Variants in SLC8A1 observed in about 807,000 individuals in gnomAD.
SLC8A1 encodes the protein sodium/calcium exchanger 1.
A neutral mutation model predicts 68.3 loss-of-function variants in SLC8A1; 18 were observed. The observed-to-expected ratio is 0.26, with a 90% confidence interval of 0.18 to 0.39. The LOEUF (loss-of-function observed/expected upper bound fraction) is 0.39, where lower values mean the gene tolerates loss of function less well. Ranked by LOEUF, SLC8A1 falls within the 10% of genes least tolerant of loss-of-function variation. The probability of loss-of-function intolerance (pLI) is 1.00; values close to 1 mark genes in which losing one functional copy is unlikely to be tolerated. For missense variants in SLC8A1, 985 were observed against 1,156.7 expected, an observed-to-expected ratio of 0.85 and a Z score of 2.15; for synonymous variants, 475 against 415.5, an observed-to-expected ratio of 1.14 and a Z score of -1.74.
chr2:40,398,168 C>T (rs570364167), intron 2 of SLC8A1, among the ~76,000 whole-genome samples: 2 of 152,180 alleles, frequency 1.3e-5, no homozygotes, highest in Non-Finnish European at 2.9e-5. Flanking sequence ...CCAATGCAAA[C>T]CTGATTCCAG....
rs1683367154 is a variant in SLC8A1 at position 40,385,786 on chromosome 2, T to A, written c.1808+42687A>T. Among the ~76,000 whole-genome samples the A allele has an allele frequency of 2.0e-5, 3 of 151,380 alleles. No individual in the cohort carries two copies. In the South Asian group the frequency reaches 6.2e-4, roughly 31 times the overall value. On this transcript the variant is annotated intron_variant, in intron 2 of 7. Coordinates refer to ENST00000406785, the Ensembl canonical transcript of SLC8A1. ...TATTTTAAAACAGAAGCTTGGCAAA[T>A]ATAAGTGTAAAATATGTAATGACAA...
chr2:40,119,941 T>G (rs1006546265), intron 7 of SLC8A1, among the ~76,000 whole-genome samples: 2 of 152,212 alleles, frequency 1.3e-5, no homozygotes, highest in African/African-American at 4.8e-5. Flanking sequence ...GTAATTGTTC[T>G]TTGCAGACCT....
At chr2:40,440,692 T>C (rs1234350387) in intron 1 of SLC8A1, among the ~76,000 whole-genome samples, 3 of 152,134 alleles carry the variant, frequency 2.0e-5, no homozygotes, top group African/African-American at 7.2e-5. Context: ...CATGATTATC[T>C]CAATAGACGC....
At position 40,338,471 on chromosome 2, in the gene SLC8A1, T is replaced by C. The variant is rs1386893863; in HGVS notation, c.1808+90002A>G. On this transcript the variant is annotated intron_variant, in intron 2 of 7. Coordinates refer to ENST00000406785, the Ensembl canonical transcript of SLC8A1. ...GAACTCTGAGCCTGCTGATTGAAGA[T>C]TACTCTGAGATAAAATGCAGCACAA... 2.6e-5 allele frequency among the ~76,000 whole-genome samples: 4 copies of C among 152,110 alleles called. No homozygotes were observed. In the South Asian group the frequency reaches 8.3e-4, roughly 32 times the overall value.
At chr2:40,216,045 C>T (rs957163330) in intron 2 of SLC8A1, among the ~76,000 whole-genome samples, 17 of 135,150 alleles carry the variant, frequency 1.3e-4, no homozygotes, top group Admixed American at 1.0e-3. Flanking sequence ...AAAAATTTTA[C>T]TTTAAACTCT....
intron 2 of SLC8A1, among the ~76,000 whole-genome samples, chr2:40,243,482 C>CA (rs1186464071): frequency 6.6e-6 from 1 of 151,508 alleles, no homozygotes; most frequent in Non-Finnish European, 1.5e-5. Flanking sequence ...GACCCTGTCT[C>CA]AAAAAAGAGA....
chr2:40,471,690 A>C (rs556421865), intron 1 of SLC8A1, among the ~76,000 whole-genome samples: 10 of 152,344 alleles, frequency 6.6e-5, no homozygotes, highest in African/African-American at 2.4e-4. Flanking sequence ...CATGTAACCC[A>C]AGGAAATAAA....
intron 2 of SLC8A1, among the ~76,000 whole-genome samples, chr2:40,305,609 T>G (rs10210665): frequency 2.0e-5 from 3 of 152,094 alleles, no homozygotes; most frequent in Admixed American, 2.0e-4. Context: ...ATAAGTTTGT[T>G]AGATACACAA....
chr2:40,349,779 C>T (rs1383565498), intron 2 of SLC8A1, among the ~76,000 whole-genome samples: 3 of 152,028 alleles, frequency 2.0e-5, no homozygotes, highest in Non-Finnish European at 4.4e-5. Context: ...AAAATATCAT[C>T]CTTTTAATAT....
chr2:40,445,061 T>C (rs772676857), intron 1 of SLC8A1, among the ~76,000 whole-genome samples: 7 of 152,230 alleles, frequency 4.6e-5, no homozygotes, highest in Non-Finnish European at 8.8e-5. Context: ...TAACAGTTGC[T>C]GAGCACCCAT....
chr2:40,250,662 G>T (rs1021632111), intron 2 of SLC8A1, among the ~76,000 whole-genome samples: 7 of 152,072 alleles, frequency 4.6e-5, no homozygotes, highest in Non-Finnish European at 1.0e-4. Context: ...TGCTACTAAA[G>T]AAACTTTCGC....
intron 2 of SLC8A1, among the ~76,000 whole-genome samples, chr2:40,228,662 G>C (rs1308956550): frequency 6.6e-6 from 1 of 152,174 alleles, no homozygotes; most frequent in Non-Finnish European, 1.5e-5. Flanking sequence ...TTAAAGGTTT[G>C]GGTGGCAGGG....
intron 2 of SLC8A1, among the ~76,000 whole-genome samples, chr2:40,183,937 C>T (rs13035066): frequency 0.021 from 3,123 of 152,172 alleles, 67 homozygotes; most frequent in African/African-American, 0.05. Flanking sequence ...GGGAGGATAG[C>T]TTGAGTCCAG....
At chr2:40,488,903 C>G (rs1471213047) in intron 1 of SLC8A1, among the ~76,000 whole-genome samples, 1 of 152,104 alleles carries the variant, frequency 6.6e-6, no homozygotes, top group Non-Finnish European at 1.5e-5. Flanking sequence ...GAGAGACTTA[C>G]ACTGCTACAT....
chr2:40,434,958 G>C (rs1699104374), intron 1 of SLC8A1, among the ~76,000 whole-genome samples: 1 of 152,164 alleles, frequency 6.6e-6, no homozygotes, highest in African/African-American at 2.4e-5. Flanking sequence ...TTTTGGAGCA[G>C]AGGCCTGAAG....
chr2:40,476,827 G>A (rs1704323306), intron 1 of SLC8A1, among the ~76,000 whole-genome samples: 4 of 152,174 alleles, frequency 2.6e-5, no homozygotes, highest in Admixed American at 2.6e-4. Context: ...CATTGGCAGA[G>A]TATCTAGGAG....
At chr2:40,454,568 G>A (rs1702888521), upstream of SLC8A1, among the ~76,000 whole-genome samples, 1 of 145,460 alleles carries the variant, frequency 6.9e-6, no homozygotes, top group African/African-American at 2.6e-5. Flanking sequence ...AATCGAAACT[G>A]CTTTTAGACT....
chr2:40,131,679 C>G (rs1410660943), intron 7 of SLC8A1, among the ~76,000 whole-genome samples: 2 of 152,148 alleles, frequency 1.3e-5, no homozygotes, highest in Non-Finnish European at 2.9e-5. Context: ...TAAGCCTGGG[C>G]AGAACATGAC....
In SLC8A1 at chr2:40,298,633, AAAG is replaced by A. The variant is rs1431526567; in HGVS notation, c.1809-120781_1809-120779del. 3.3e-5 allele frequency among the ~76,000 whole-genome samples: 5 copies of A among 152,302 alleles called. No individual in the cohort carries two copies. The East Asian group carries it at 9.7e-4, about 29-fold the overall frequency. On this transcript the variant is annotated intron_variant, in intron 2 of 7. Coordinates refer to ENST00000406785, the Ensembl canonical transcript of SLC8A1. ...AAATCCTACCATTTAATCTATTTTG[AAAG>A]AAATTAGAAGGCTATGGTTTTAACA...
Sources: allele counts gnomAD v4.1 joint callset (sites outside exome capture counted in the v4.1 genomes callset), GRCh38; gene constraint gnomAD v4.1.1; transcripts MANE v1.5; gene names NCBI Gene and HGNC (gene_info 2026-07-23, HGNC 2026-07-21).